ARHGEF28: variants seen among roughly 807,000 people sequenced by gnomAD.
ARHGEF28 encodes the protein Rho guanine nucleotide exchange factor 28, also known as 190 kDa guanine nucleotide exchange factor.
A neutral mutation model predicts 206.6 loss-of-function variants in ARHGEF28; 152 were observed. That is an observed-to-expected ratio of 0.74 (90% CI 0.64 to 0.84). The LOEUF is 0.84. Ranked by LOEUF, ARHGEF28 falls within the 40% of genes least tolerant of loss-of-function variation. The pLI is 0.00. For missense variants in ARHGEF28, 2,028 were observed against 2,073.2 expected, an observed-to-expected ratio of 0.98 and a Z score of 0.42; for synonymous variants, 763 against 776.4, an observed-to-expected ratio of 0.98 and a Z score of 0.29.
intron 5 of ARHGEF28, among the ~76,000 whole-genome samples, chr5:73,774,825 A>G (rs1183923419): frequency 6.6e-6 from 1 of 152,238 alleles, no homozygotes; most frequent in Non-Finnish European, 1.5e-5. Context: ...GTTGAAAATT[A>G]CAACATGCTA....
At chr5:73,880,288 G>C (rs982538319) in intron 22 of ARHGEF28, among the ~76,000 whole-genome samples, 1 of 152,222 alleles carries the variant, frequency 6.6e-6, no homozygotes, top group African/African-American at 2.4e-5. Flanking sequence ...GAAAAGCGCA[G>C]TATTCTGGTG....
intron 9 of ARHGEF28, among the ~76,000 whole-genome samples, chr5:73,824,337 C>G (rs1009061916): frequency 1.3e-5 from 2 of 152,172 alleles, no homozygotes; most frequent in African/African-American, 4.8e-5. Flanking sequence ...AAATAAAACT[C>G]TCATTCCCAG....
intron 2 of ARHGEF28, among the ~76,000 whole-genome samples, chr5:73,722,118 G>T (rs1406544501): frequency 1.3e-5 from 2 of 152,212 alleles, no homozygotes; most frequent in African/African-American, 2.4e-5. Context: ...ATGTGACTTA[G>T]AGATAGAAAA....
chr5:73,706,027 C>T (rs1748909569), intron 2 of ARHGEF28, among the ~76,000 whole-genome samples: 1 of 152,094 alleles, frequency 6.6e-6, no homozygotes, highest in Admixed American at 6.6e-5. Flanking sequence ...AACTGTTTAC[C>T]CAGAAGGGTG....
chr5:73,813,910 TAAA>T (rs76466396), intron 9 of ARHGEF28, among the ~76,000 whole-genome samples: 2 of 138,728 alleles, frequency 1.4e-5, no homozygotes, highest in Non-Finnish European at 3.1e-5. Context: ...CAATTCTCTT[TAAA>T]AAAAAAAAAA....
At position 73,794,599 on chromosome 5, in the gene ARHGEF28, T is replaced by C; in HGVS notation, c.963+145T>C. The C allele has an allele frequency of 9.8e-6, 7 of 717,460 alleles. No individual in the cohort carries two copies. The South Asian group carries it at 1.1e-4, about 11-fold the overall frequency. The allele number at this position is 717,460 out of a possible 1,614,324, so 44.4% of individuals were successfully genotyped here. A position where few individuals can be genotyped will look rare whatever the true frequency, so the allele number is the denominator to read the frequency against. On this transcript the variant is annotated intron_variant, in intron 8 of 35. Transcript: ENST00000513042. ...CAGAATAATGTGAAATTCTGTTTTC[T>C]TTTTCTTTCTTTTTTTTTTTTTTTT... is the stretch of plus-strand genomic sequence containing the variant.
At position 73,929,029 on chromosome 5, in the gene ARHGEF28, A is replaced by C. The variant is rs1017170882; in HGVS notation, c.4949-11815A>C. 2.0e-5 allele frequency among the ~76,000 whole-genome samples: 3 copies of C among 152,246 alleles called. No homozygotes were observed. The East Asian group carries it at 5.8e-4, about 29-fold the overall frequency. On this transcript the variant is annotated intron_variant, in intron 35 of 35. Coordinates refer to ENST00000513042, the MANE Select transcript of ARHGEF28 (RefSeq NM_001177693.2). ...CAGCTCACTGCAAGATCCGCCTCCC[A>C]GGTTCATGCCATTCTCCTGCCTCAG... is the stretch of plus-strand genomic sequence containing the variant.
chr5:73,925,976 G>A (rs366733), intron 35 of ARHGEF28, among the ~76,000 whole-genome samples: 83,800 of 151,990 alleles, frequency 0.55, 23,324 homozygotes, highest in Middle Eastern at 0.64. Flanking sequence ...GAGAATTGCT[G>A]CTAGGATAGG....
chr5:73,788,728 CA>C (rs575696309), intron 7 of ARHGEF28, among the ~76,000 whole-genome samples: 19 of 152,022 alleles, frequency 1.2e-4, no homozygotes, highest in Admixed American at 1.2e-3. Flanking sequence ...AAAAAATCTC[CA>C]AAAAAATTAC....
At chr5:73,871,135 C>T (rs926839237) in intron 21 of ARHGEF28, among the ~76,000 whole-genome samples, 5 of 152,068 alleles carry the variant, frequency 3.3e-5, no homozygotes, top group Admixed American at 3.3e-4. Flanking sequence ...CTTCATCTAC[C>T]TCTCAATTCT....
At chr5:73,671,694 T>TTATGTATATATATATA (rs1746307772) in intron 1 of ARHGEF28, among the ~76,000 whole-genome samples, 1 of 76,110 alleles carries the variant, frequency 1.3e-5, no homozygotes, top group African/African-American at 4.6e-5. Context: ...TTGAACTTGA[T>TTATGTATATATATATA]TATATATATA....
intron 31 of ARHGEF28, chr5:73,902,869 C>T (rs1009287013): frequency 2.0e-5 from 3 of 152,144 alleles, no homozygotes; most frequent in African/African-American, 7.2e-5. Flanking sequence ...TTTTTATAGA[C>T]TATAAAAACT....
Position 73,909,884 on chromosome 5 carries a change from C to A in ARHGEF28, c.4634C>A (p.Pro1545Gln). Residue 1545 changes from proline (P) to glutamine (Q), a missense_variant, in exon 34 of 36, where the codon CCG becomes CAG. Coordinates refer to ENST00000513042, the MANE Select transcript of ARHGEF28 (RefSeq NM_001177693.2). ...RQRSLPAVLLPGGPEVMELNR... is the reference protein window; with the variant it reads ...RQRSLPAVLLQGGPEVMELNR... ...AGGAGCCTGCCCGCGGTGCTCCTTC[C>A]GGGTGGCCCCGAGGTATGGACCTTC... 6.6e-7 allele frequency: 1 copy of A among 1,511,726 alleles called. No individual in the cohort carries two copies. Among genetic ancestry groups the A allele is most frequent in the Non-Finnish European group, 8.7e-7 (1 of 1,143,082 alleles). The allele number at this position is 1,511,726 out of a possible 1,614,324, so 93.6% of individuals were successfully genotyped here.
intron 2 of ARHGEF28, among the ~76,000 whole-genome samples, chr5:73,714,950 A>G (rs1171594111): frequency 6.6e-6 from 1 of 152,200 alleles, no homozygotes; most frequent in Non-Finnish European, 1.5e-5. Flanking sequence ...AAGACACGAA[A>G]ATGTTTAACT....
chr5:73,840,640 C>G lies in ARHGEF28; in HGVS notation c.1307C>G (p.Thr436Arg). ...VYPLSENVEGTAHTEAQQSFM... is the reference protein window; with the variant it reads ...VYPLSENVEGRAHTEAQQSFM... ...CCACTTAGTGAAAATGTCGAAGGGA[C>G]AGCACACACTGAAGCCCAGCAGTCC... The change falls in exon 11 of 36, where the codon ACA becomes AGA. Residue 436 changes from threonine to arginine, a missense_variant. Physicochemically the swap from Thr to Arg is moderately conservative, Grantham distance 71 (BLOSUM62 -1). Coordinates refer to ENST00000513042, the MANE Select transcript of ARHGEF28 (RefSeq NM_001177693.2). 2 of 1,613,864 alleles carry G rather than the reference C, an allele frequency of 1.2e-6. No homozygotes were observed. The highest frequency in any genetic ancestry group is 8.5e-7 in the Non-Finnish European group (1 of 1,179,832).
chr5:73,787,151 G>A (rs76713302), intron 7 of ARHGEF28, among the ~76,000 whole-genome samples: 1,908 of 152,258 alleles, frequency 0.013, 31 homozygotes, highest in African/African-American at 0.043. Flanking sequence ...TCAAGATATA[G>A]GTCCTTTAAG....
intron 1 of ARHGEF28, among the ~76,000 whole-genome samples, chr5:73,639,519 A>G (rs142367871): frequency 5.9e-4 from 89 of 152,128 alleles, no homozygotes; most frequent in African/African-American, 1.9e-3. Flanking sequence ...ATTTCTATAA[A>G]TTTTATATTT....
chr5:73,713,700 A>C (rs1374272106), intron 2 of ARHGEF28, among the ~76,000 whole-genome samples: 1 of 152,208 alleles, frequency 6.6e-6, no homozygotes, highest in Non-Finnish European at 1.5e-5. Flanking sequence ...TATTCTGAAT[A>C]CATGTTATTT....
At chr5:73,863,538 T>G (rs1759525973) in intron 16 of ARHGEF28, among the ~76,000 whole-genome samples, 1 of 152,064 alleles carries the variant, frequency 6.6e-6, no homozygotes, top group African/African-American at 2.4e-5. Flanking sequence ...CTTGCCTGTC[T>G]CATGAAGCTC....
Sources: gnomAD v4.1 joint callset for allele counts (sites outside exome capture counted in the v4.1 genomes callset) on GRCh38, gnomAD v4.1.1 for gene constraint, MANE v1.5 for transcripts, NCBI Gene and HGNC (gene_info 2026-07-23, HGNC 2026-07-21) for gene names.